PTPRD: variants seen among roughly 807,000 people sequenced by gnomAD.
PTPRD encodes the protein protein tyrosine phosphatase receptor type D.
In PTPRD, 34 loss-of-function variants were observed where a neutral mutation model predicts 214.5. The observed-to-expected ratio is 0.16, with a 90% CI of 0.12 to 0.21. The LOEUF (loss-of-function observed/expected upper bound fraction) is 0.21, where lower values mean the gene tolerates loss of function less well. Ranked by LOEUF, PTPRD falls within the 10% of genes least tolerant of loss-of-function variation. The pLI is 1.00. For synonymous variants in PTPRD, 1,128 were observed against 845.7 expected, an observed-to-expected ratio of 1.33 and a Z score of -5.79; for missense variants, 2,545 against 2,398.7, an observed-to-expected ratio of 1.06 and a Z score of -1.27.
chr9:9,202,226 C>T (rs1449737484), intron 9 of PTPRD, among the ~76,000 whole-genome samples: 1 of 152,156 alleles, frequency 6.6e-6, no homozygotes, highest in African/African-American at 2.4e-5. Flanking sequence ...ACTAAATTTG[C>T]ACTCTATTAT....
At chr9:10,255,670 T>G (rs139387526) in intron 3 of PTPRD, among the ~76,000 whole-genome samples, 1 of 152,224 alleles carries the variant, frequency 6.6e-6, no homozygotes, top group Non-Finnish European at 1.5e-5. Flanking sequence ...ACTTTTTGAC[T>G]TTATAAACTT....
At chr9:8,710,617 A>G (rs1180994666) in intron 12 of PTPRD, among the ~76,000 whole-genome samples, 4 of 152,226 alleles carry the variant, frequency 2.6e-5, no homozygotes, top group Non-Finnish European at 5.9e-5. Context: ...CCTTGTCTCA[A>G]AAAATAAATA....
chr9:9,112,257 C>T (rs1249540327), intron 10 of PTPRD, among the ~76,000 whole-genome samples: 1 of 152,150 alleles, frequency 6.6e-6, no homozygotes, highest in Non-Finnish European at 1.5e-5. Flanking sequence ...TAATAACTTG[C>T]TCCCATCCAA....
rs80232993 is a variant in PTPRD at position 9,400,532 on chromosome 9, T to G, written c.-236-3050A>C. Among the ~76,000 whole-genome samples, 74 of 151,870 alleles carry G rather than the reference T, an allele frequency of 4.9e-4. 1 individual carries two copies. The East Asian group carries it at 0.01, about 22-fold the overall frequency. On this transcript the variant is annotated intron_variant, in intron 8 of 45. Coordinates refer to ENST00000381196, the MANE Select transcript of PTPRD (RefSeq NM_002839.4). ...TACCTTTATCTAACCAAAAAAAAAG[T>G]TTTTTTTCAGTTCAATTATCTTTTC...
chr9:10,504,056 CAG>C (rs2044928114), intron 2 of PTPRD, among the ~76,000 whole-genome samples: 1 of 133,228 alleles, frequency 7.5e-6, no homozygotes, highest in Non-Finnish European at 1.5e-5. Context: ...GCAGAGCTTG[CAG>C]TGAGCCGAGA....
At chr9:8,575,500 G>C (rs1332115277) in intron 14 of PTPRD, among the ~76,000 whole-genome samples, 1 of 152,066 alleles carries the variant, frequency 6.6e-6, no homozygotes. Flanking sequence ...TAAATTACAG[G>C]CTAGTAAGTA....
chr9:9,019,051 C>G (rs2099548564), intron 10 of PTPRD, among the ~76,000 whole-genome samples: 1 of 151,948 alleles, frequency 6.6e-6, no homozygotes, highest in African/African-American at 2.4e-5. Flanking sequence ...CATACAGAAC[C>G]ATCAAGTATC....
intron 9 of PTPRD, among the ~76,000 whole-genome samples, chr9:9,197,564 C>T (rs888187121): frequency 6.6e-6 from 1 of 152,162 alleles, no homozygotes; most frequent in African/African-American, 2.4e-5. Context: ...GCGCGTGCCA[C>T]CACACCCAGA....
intron 33 of PTPRD, among the ~76,000 whole-genome samples, chr9:8,453,551 G>A (rs1370246362): frequency 6.6e-6 from 1 of 152,172 alleles, no homozygotes; most frequent in Non-Finnish European, 1.5e-5. Flanking sequence ...GTGTTTTTCT[G>A]CTGGACAAAT....
At chr9:8,543,829 C>G (rs1016009205) in intron 14 of PTPRD, among the ~76,000 whole-genome samples, 4 of 152,066 alleles carry the variant, frequency 2.6e-5, no homozygotes, top group Non-Finnish European at 4.4e-5. Flanking sequence ...TCTTCTGCCT[C>G]AGCCTCCCGA....
intron 11 of PTPRD, among the ~76,000 whole-genome samples, chr9:8,856,681 A>G (rs1377045351): frequency 6.6e-6 from 1 of 152,222 alleles, no homozygotes; most frequent in East Asian, 1.9e-4. Context: ...TTTGGCAAGT[A>G]GCGTACTGGG....
At chr9:8,843,786 C>A (rs1006325223) in intron 11 of PTPRD, among the ~76,000 whole-genome samples, 1 of 152,088 alleles carries the variant, frequency 6.6e-6, no homozygotes, top group Non-Finnish European at 1.5e-5. Flanking sequence ...TGGCAAGGAC[C>A]CCATTTCTGC....
chr9:9,353,182 T>C (rs1032005995), intron 9 of PTPRD, among the ~76,000 whole-genome samples: 43 of 151,948 alleles, frequency 2.8e-4, no homozygotes, highest in African/African-American at 1.0e-3. Flanking sequence ...TTGATATATT[T>C]AGAGTATCTT....
Position 8,555,591 on chromosome 9 carries a change from T to C in PTPRD, c.353-26812A>G, listed in dbSNP as rs541034945. On this transcript the variant is annotated intron_variant, in intron 14 of 45. Transcript: ENST00000381196. ...ACACAGTCTTTAAATGGCAGCAGTA[T>C]CATCAGCCTTGCTGCCTTCTGGCTT... Among the ~76,000 whole-genome samples, 84 of 152,350 alleles carry C rather than the reference T, an allele frequency of 5.5e-4. 2 individuals carry two copies. Among genetic ancestry groups the C allele is most frequent in the Middle Eastern group, 3.4e-3 (1 of 292 alleles).
chr9:9,973,986 TCTGTA>T (rs1397511412), intron 4 of PTPRD, among the ~76,000 whole-genome samples: 1 of 152,188 alleles, frequency 6.6e-6, no homozygotes, highest in Non-Finnish European at 1.5e-5. Flanking sequence ...TTCTGATGGT[TCTGTA>T]AATAGATTTG....
intron 8 of PTPRD, among the ~76,000 whole-genome samples, chr9:9,408,812 C>A (rs4084780): frequency 0.2 from 30,681 of 151,826 alleles, 3,264 homozygotes; most frequent in South Asian, 0.28. Context: ...TACTGTCTGG[C>A]ACAAAGTGCG....
chr9:9,068,360 C>T (rs2099738347), intron 10 of PTPRD, among the ~76,000 whole-genome samples: 1 of 152,256 alleles, frequency 6.6e-6, no homozygotes, highest in African/African-American at 2.4e-5. Context: ...AGGATAAATG[C>T]CCATGAATGC....
intron 3 of PTPRD, among the ~76,000 whole-genome samples, chr9:10,070,888 C>T (rs73392124): frequency 7.4e-4 from 112 of 151,956 alleles, no homozygotes; most frequent in African/African-American, 2.7e-3. Context: ...AGTCATGAGT[C>T]CACAAAAATC....
intron 3 of PTPRD, among the ~76,000 whole-genome samples, chr9:10,194,071 T>A (rs2099386094): frequency 6.6e-6 from 1 of 151,914 alleles, no homozygotes; most frequent in Admixed American, 6.6e-5. Context: ...AAATACGTAC[T>A]CAGTATTCAA....
Sources: gnomAD v4.1 joint callset for allele counts (sites outside exome capture counted in the v4.1 genomes callset) on GRCh38, gnomAD v4.1.1 for gene constraint, MANE v1.5 for transcripts, NCBI Gene and HGNC (gene_info 2026-07-23, HGNC 2026-07-21) for gene names.